The following DLGAP2 variants were observed in gnomAD, a reference collection of about 807,000 sequenced individuals.
DLGAP2 encodes DLG associated protein 2, also known as disks large-associated protein 2.
Under a neutral mutation model 100.3 loss-of-function variants are expected in DLGAP2, and 26 were observed. The observed-to-expected ratio is 0.26, with a 90% CI of 0.19 to 0.36. DLGAP2 has a LOEUF of 0.36. Among genes scored for constraint, DLGAP2 ranks in the 10% least tolerant of loss-of-function variants. The probability of loss-of-function intolerance (pLI) is 1.00; values close to 1 mark genes in which losing one functional copy is unlikely to be tolerated. For synonymous variants in DLGAP2, 886 were observed against 630.1 expected (o/e 1.41, Z -6.08); for missense variants, 1,858 against 1,453.2 (o/e 1.28, Z -4.53).
In DLGAP2 at chr8:1,706,959, A is replaced by T. The variant is rs1799724995; in HGVS notation, c.*5553A>T. ...TTGAAAAATGTCCACAATTTTATGA[A>T]TTGCTGTCCTAACCCTGGCGTTTTT... On this transcript the variant is annotated 3_prime_UTR_variant, in exon 15 of 15. Coordinates refer to ENST00000637795, the MANE Select transcript of DLGAP2 (RefSeq NM_001346810.2). The T allele has an allele frequency of 6.6e-6, 1 of 152,586 alleles. No homozygotes were observed. The highest frequency in any genetic ancestry group is 1.5e-5 in the Non-Finnish European group (1 of 68,040). 9.5% of individuals were successfully genotyped at this position (152,586 alleles called of 1,614,324 possible). A position where few individuals can be genotyped will look rare whatever the true frequency, so the allele number is the denominator to read the frequency against.
At chr8:1,607,478 A>G (rs2130721114) in intron 6 of DLGAP2, among the ~76,000 whole-genome samples, 1 of 152,380 alleles carries the variant, frequency 6.6e-6, no homozygotes, top group African/African-American at 2.4e-5. Context: ...TTTCTTAGAA[A>G]TACATTTCAC....
At chr8:1,000,230 A>G (rs12681648) in intron 2 of DLGAP2, among the ~76,000 whole-genome samples, 2,918 of 37,954 alleles carry the variant, frequency 0.077, no homozygotes, top group Middle Eastern at 0.21. Context: ...GGACAGATCC[A>G]GGTGGGGGTG....
intron 6 of DLGAP2, among the ~76,000 whole-genome samples, chr8:1,613,093 G>A (rs1325936389): frequency 2.2e-5 from 3 of 138,058 alleles, no homozygotes; most frequent in South Asian, 2.6e-4. Flanking sequence ...ACATGCACAC[G>A]TATGTTTATT....
chr8:1,273,382 C>T (rs1228100990), intron 3 of DLGAP2, among the ~76,000 whole-genome samples: 1 of 152,190 alleles, frequency 6.6e-6, no homozygotes, highest in Non-Finnish European at 1.5e-5. Flanking sequence ...GCTCACATCC[C>T]TAAATCACCC....
chr8:1,376,342 G>T (rs1381839722), intron 3 of DLGAP2, among the ~76,000 whole-genome samples: 3 of 152,230 alleles, frequency 2.0e-5, no homozygotes, highest in Non-Finnish European at 2.9e-5. Flanking sequence ...CCTGTGCACC[G>T]CAGTCCCTCT....
intron 1 of DLGAP2, among the ~76,000 whole-genome samples, chr8:867,730 G>A (rs1442957794): frequency 6.6e-6 from 1 of 152,180 alleles, no homozygotes; most frequent in Admixed American, 6.5e-5. Context: ...GTGGATGCAG[G>A]TTTCTCAGTG....
At chr8:1,267,565 A>AAATAAT (rs1334972440) in intron 3 of DLGAP2, among the ~76,000 whole-genome samples, 2,006 of 48,914 alleles carry the variant, frequency 0.041, 454 homozygotes, top group Middle Eastern at 0.098. Flanking sequence ...GCTCAAAATA[A>AAATAAT]AATAAAATAA....
At chr8:1,293,994 G>C (rs1363350952) in intron 3 of DLGAP2, among the ~76,000 whole-genome samples, 2 of 152,200 alleles carry the variant, frequency 1.3e-5, no homozygotes, top group Non-Finnish European at 2.9e-5. Context: ...CCTTTCCCGG[G>C]GTCTCGGAGC....
At chr8:1,040,305 TGTGCATGGTCGGC>T (rs1802298519) in intron 2 of DLGAP2, among the ~76,000 whole-genome samples, 1 of 148,532 alleles carries the variant, frequency 6.7e-6, no homozygotes, top group Non-Finnish European at 1.5e-5. Flanking sequence ...GTCAGCTCGG[TGTGCATGGTCGGC>T]TCAGTGTGCG....
chr8:1,690,047 C>T (rs569590121), intron 12 of DLGAP2, among the ~76,000 whole-genome samples: 4 of 152,278 alleles, frequency 2.6e-5, no homozygotes, highest in South Asian at 4.1e-4. Context: ...GGTGACCATG[C>T]TGACAGCAGA....
At chr8:767,997 C>G (rs571358707) in intron 1 of DLGAP2, among the ~76,000 whole-genome samples, 2 of 152,296 alleles carry the variant, frequency 1.3e-5, no homozygotes, top group East Asian at 3.9e-4. Context: ...CAACACTTCT[C>G]TGATGTATAA....
chr8:1,407,872 C>T (rs1796614182), intron 3 of DLGAP2, among the ~76,000 whole-genome samples: 1 of 152,224 alleles, frequency 6.6e-6, no homozygotes, highest in African/African-American at 2.4e-5. Flanking sequence ...TTACTGAGCA[C>T]CACCTCCTTG....
At chr8:1,443,886 T>C (rs1400099964) in intron 3 of DLGAP2, among the ~76,000 whole-genome samples, 1 of 152,172 alleles carries the variant, frequency 6.6e-6, no homozygotes, top group East Asian at 1.9e-4. Flanking sequence ...GTGAGTGACT[T>C]GGAAGTGGTA....
At chr8:1,064,280 C>G (rs796501023) in intron 2 of DLGAP2, among the ~76,000 whole-genome samples, 13 of 152,192 alleles carry the variant, frequency 8.5e-5, no homozygotes, top group African/African-American at 3.1e-4. Context: ...AACTGGATAA[C>G]CAGAAAATAA....
At chr8:1,021,514 C>T (rs1801622460) in intron 2 of DLGAP2, among the ~76,000 whole-genome samples, 1 of 152,164 alleles carries the variant, frequency 6.6e-6, no homozygotes, top group African/African-American at 2.4e-5. Context: ...GTGATTTCCC[C>T]TAATTATAGA....
intron 3 of DLGAP2, among the ~76,000 whole-genome samples, chr8:1,342,633 C>T (rs560898449): frequency 1.3e-4 from 20 of 152,286 alleles, no homozygotes; most frequent in South Asian, 6.2e-4. Flanking sequence ...TCAGCAAGTG[C>T]GTTATCACAT....
intron 6 of DLGAP2, among the ~76,000 whole-genome samples, chr8:1,596,485 A>C (rs544115817): frequency 3.5e-4 from 54 of 152,304 alleles, no homozygotes; most frequent in African/African-American, 1.3e-3. Context: ...TTATACTCCC[A>C]CCAACAGTGT....
In DLGAP2 at chr8:1,703,436, CTTA is replaced by C. The variant is rs1251671421; in HGVS notation, c.*2035_*2037del. 1 of 152,612 alleles carries C rather than the reference CTTA, an allele frequency of 6.6e-6. No homozygotes were observed. Among genetic ancestry groups the C allele is most frequent in the African/African-American group, 2.4e-5 (1 of 41,420 alleles). The allele number at this position is 152,612 out of a possible 1,614,324, so 9.5% of individuals were successfully genotyped here. A position where few individuals can be genotyped will look rare whatever the true frequency, so the allele number is the denominator to read the frequency against. On this transcript the variant is annotated 3_prime_UTR_variant, in exon 15 of 15. Coordinates refer to ENST00000637795, the MANE Select transcript of DLGAP2 (RefSeq NM_001346810.2). Reference sequence around the variant, plus strand: ...AATGACGCTTCTTCCTATATCCACTCTTATTATGTTAAAACAAATGTATTTGCG... The same window carrying C: ...AATGACGCTTCTTCCTATATCCACTCTTATGTTAAAACAAATGTATTTGCG...
chr8:1,052,483 G>A (rs1802747836), intron 2 of DLGAP2, among the ~76,000 whole-genome samples: 1 of 152,228 alleles, frequency 6.6e-6, no homozygotes, highest in Non-Finnish European at 1.5e-5. Context: ...GCAGTGGGGA[G>A]AGGAGGGAGT....
Sources: gnomAD v4.1 joint callset for allele counts (sites outside exome capture counted in the v4.1 genomes callset) on GRCh38, gnomAD v4.1.1 for gene constraint, MANE v1.5 for transcripts, NCBI Gene and HGNC (gene_info 2026-07-23, HGNC 2026-07-21) for gene names.